The following NTM variants were observed in gnomAD, a reference collection of about 807,000 sequenced individuals.
The protein encoded by NTM is neurotrimin, also known as IgLON family member 2.
In NTM, 13 loss-of-function variants were observed where a neutral mutation model predicts 42.1. That is an observed-to-expected ratio of 0.31 (90% CI 0.20 to 0.49). The LOEUF is 0.49. NTM is among the 20% of genes least tolerant of loss of function. NTM has a pLI of 0.99. For synonymous variants in NTM, 187 were observed against 179.2 expected (o/e 1.04, Z -0.35); for missense variants, 373 against 452.8 (o/e 0.82, Z 1.60).
At chr11:132,260,232 G>A (rs1340184034) in intron 4 of NTM, among the ~76,000 whole-genome samples, 1 of 148,452 alleles carries the variant, frequency 6.7e-6, no homozygotes, top group Non-Finnish European at 1.5e-5. Flanking sequence ...ATGAATCAAT[G>A]TTAAATCTAA....
intron 4 of NTM, among the ~76,000 whole-genome samples, chr11:132,258,528 T>C (rs188692271): frequency 1.3e-5 from 2 of 152,138 alleles, no homozygotes; most frequent in Admixed American, 1.3e-4. Context: ...GAAGTCCAGG[T>C]CAATTACCAT....
intron 2 of NTM, among the ~76,000 whole-genome samples, chr11:132,039,247 T>C (rs1251753212): frequency 6.6e-6 from 1 of 152,238 alleles, no homozygotes; most frequent in South Asian, 2.1e-4. Context: ...TATTTTTCCT[T>C]TGTTTCATAG....
chr11:131,422,661 A>G (rs1442943596), intron 1 of NTM, among the ~76,000 whole-genome samples: 2 of 152,218 alleles, frequency 1.3e-5, no homozygotes, highest in African/African-American at 4.8e-5. Flanking sequence ...AGGAAATTGT[A>G]TGAGAGCACT....
intron 1 of NTM, among the ~76,000 whole-genome samples, chr11:131,787,006 T>A: frequency 7.2e-6 from 1 of 138,608 alleles, no homozygotes; most frequent in Non-Finnish European, 1.5e-5. Flanking sequence ...TTTGTGAGCA[T>A]TAGTATTACT....
intron 1 of NTM, among the ~76,000 whole-genome samples, chr11:131,656,713 C>T (rs1047186696): frequency 3.9e-5 from 6 of 152,224 alleles, no homozygotes; most frequent in African/African-American, 1.4e-4. Flanking sequence ...TCTGCCCCTG[C>T]GCGCTGAGCT....
intron 2 of NTM, among the ~76,000 whole-genome samples, chr11:132,125,277 G>A (rs531768953): frequency 7.8e-5 from 5 of 64,370 alleles, no homozygotes; most frequent in African/African-American, 1.6e-4. Context: ...TAATGTACTG[G>A]TGTGTGTTTG....
chr11:132,181,701 G>C (rs976823182), intron 3 of NTM, among the ~76,000 whole-genome samples: 7 of 152,198 alleles, frequency 4.6e-5, no homozygotes, highest in African/African-American at 1.7e-4. Context: ...TAGTGGCACT[G>C]ATGTTGGCAC....
intron 1 of NTM, among the ~76,000 whole-genome samples, chr11:131,532,589 G>A (rs1023028587): frequency 5.3e-5 from 8 of 152,194 alleles, no homozygotes; most frequent in Admixed American, 3.3e-4. Flanking sequence ...ACCCAGAAGT[G>A]GAAGAGCAGG....
intron 1 of NTM, among the ~76,000 whole-genome samples, chr11:131,835,217 T>C (rs1190791148): frequency 6.6e-6 from 1 of 152,150 alleles, no homozygotes; most frequent in African/African-American, 2.4e-5. Flanking sequence ...TGTTTGAAAA[T>C]TGAAAATTCT....
chr11:132,298,632 G>T (rs979472776), intron 4 of NTM, among the ~76,000 whole-genome samples: 1 of 152,170 alleles, frequency 6.6e-6, no homozygotes, highest in South Asian at 2.1e-4. Flanking sequence ...AGTACAAAGG[G>T]TTCACTTTCT....
chr11:131,598,699 CTTT>C, intron 1 of NTM, among the ~76,000 whole-genome samples: 1 of 63,774 alleles, frequency 1.6e-5, no homozygotes, highest in East Asian at 6.1e-4. Flanking sequence ...TTCTTTCTTT[CTTT>C]CTTTCTTTCT....
chr11:132,094,809 G>C (rs923924060), intron 2 of NTM, among the ~76,000 whole-genome samples: 2 of 152,182 alleles, frequency 1.3e-5, no homozygotes, highest in Non-Finnish European at 2.9e-5. Flanking sequence ...AGAAGACTAT[G>C]TGAGTCCATG....
At chr11:132,059,725 GC>G (rs2080318028) in intron 2 of NTM, among the ~76,000 whole-genome samples, 1 of 112,962 alleles carries the variant, frequency 8.9e-6, no homozygotes, top group African/African-American at 3.3e-5. Flanking sequence ...ATCCTCCCCC[GC>G]CCCACACCAC....
chr11:132,240,910 T>C (rs1362223395), intron 4 of NTM, among the ~76,000 whole-genome samples: 1 of 152,162 alleles, frequency 6.6e-6, no homozygotes, highest in Non-Finnish European at 1.5e-5. Flanking sequence ...TCAGAAATGT[T>C]CCAAAATCCA....
At chr11:131,556,841 C>A (rs926542834) in intron 1 of NTM, among the ~76,000 whole-genome samples, 3 of 152,182 alleles carry the variant, frequency 2.0e-5, no homozygotes, top group African/African-American at 7.2e-5. Context: ...GCTGCCATTA[C>A]AGGCGTGAGC....
At chr11:131,727,445 A>G (rs1195971478) in intron 1 of NTM, among the ~76,000 whole-genome samples, 1 of 152,198 alleles carries the variant, frequency 6.6e-6, no homozygotes, top group African/African-American at 2.4e-5. Context: ...TTTTCAATTA[A>G]AAGGGAGCCT....
At chr11:131,872,536 G>T (rs1030646421) in intron 1 of NTM, among the ~76,000 whole-genome samples, 1 of 152,074 alleles carries the variant, frequency 6.6e-6, no homozygotes, top group African/African-American at 2.4e-5. Flanking sequence ...TCATTTTCTG[G>T]CTCTCTGTCA....
At chr11:131,849,303 A>T (rs888080990) in intron 1 of NTM, among the ~76,000 whole-genome samples, 1 of 152,184 alleles carries the variant, frequency 6.6e-6, no homozygotes, top group Non-Finnish European at 1.5e-5. Flanking sequence ...TTTATAAAGA[A>T]AAGAGGTTTG....
At chr11:131,806,439 T>C (rs2092486129) in intron 1 of NTM, among the ~76,000 whole-genome samples, 1 of 152,200 alleles carries the variant, frequency 6.6e-6, no homozygotes, top group East Asian at 1.9e-4. Context: ...TTGTCTTTGT[T>C]TCCACATCCC....
Sources: gnomAD v4.1 joint callset for allele counts (sites outside exome capture counted in the v4.1 genomes callset) on GRCh38, gnomAD v4.1.1 for gene constraint, MANE v1.5 for transcripts, NCBI Gene and HGNC (gene_info 2026-07-23, HGNC 2026-07-21) for gene names.